Variants in JMJD1C observed in about 807,000 individuals in gnomAD.
JMJD1C encodes the protein jumonji domain-containing protein 1C.
A neutral mutation model predicts 245.3 loss-of-function variants in JMJD1C; 31 were observed. The ratio of observed to expected loss-of-function variants is 0.13; its 90% CI spans 0.09 to 0.17. JMJD1C has a LOEUF of 0.17. JMJD1C is among the 10% of genes least tolerant of loss of function. JMJD1C has a pLI of 1.00. For missense variants in JMJD1C, 2,691 were observed against 3,000.2 expected (o/e 0.90, Z 2.41); for synonymous variants, 1,057 against 1,017.4 (o/e 1.04, Z -0.74).
intron 1 of JMJD1C, among the ~76,000 whole-genome samples, chr10:63,424,511 T>C (rs1199174818): frequency 6.9e-6 from 1 of 144,010 alleles, no homozygotes; most frequent in Non-Finnish European, 1.5e-5. Context: ...TTTTTTTTTT[T>C]TTTTTTTCTT....
chr10:63,352,868 G>A (rs1944481790), intron 2 of JMJD1C, among the ~76,000 whole-genome samples: 1 of 152,008 alleles, frequency 6.6e-6, no homozygotes, highest in African/African-American at 2.4e-5. Flanking sequence ...TGTGTTCTAC[G>A]GGGCCAACTT....
chr10:63,242,716 A>C lies in JMJD1C; in HGVS notation c.447+21935T>G, dbSNP rs1323490894. Reference sequence around the variant, plus strand: ...ACTCCAGCCTGGGCAACAGAGCGAGACTCTGTCTCAAAAACAAAAACAGAT... The same window carrying C: ...ACTCCAGCCTGGGCAACAGAGCGAGCCTCTGTCTCAAAAACAAAAACAGAT... On this transcript the variant is annotated intron_variant, in intron 3 of 25. Transcript: ENST00000399262. Among the ~76,000 whole-genome samples, 7 of 152,268 alleles carry C rather than the reference A, an allele frequency of 4.6e-5. No homozygotes were observed. The South Asian group carries it at 1.4e-3, about 32-fold the overall frequency.
At position 63,200,661 on chromosome 10, in the gene JMJD1C, T is replaced by C. The variant is rs374794763; in HGVS notation, c.5091A>G (p.Ser1697=). ...QSNSNTGIPR[S]VLKDWRKVKK... is the part of the protein sequence containing the mutation. Reference sequence around the variant, plus strand: ...TGACTTTACGCCAATCTTTCAATACTGAACGAGGAATGCCAGCTGTAAAAT... The same window carrying C: ...TGACTTTACGCCAATCTTTCAATACCGAACGAGGAATGCCAGCTGTAAAAT... The change falls in exon 11 of 26, where the codon TCA becomes TCG. Residue 1697 remains serine, a synonymous_variant. Coordinates refer to ENST00000399262, the MANE Select transcript of JMJD1C (RefSeq NM_032776.3). 2 of 1,613,842 alleles carry C rather than the reference T, an allele frequency of 1.2e-6. No individual in the cohort carries two copies. Among genetic ancestry groups the C allele is most frequent in the African/African-American group, 2.7e-5 (2 of 74,922 alleles).
intron 1 of JMJD1C, among the ~76,000 whole-genome samples, chr10:63,447,955 A>G (rs1229409914): frequency 1.3e-5 from 2 of 151,862 alleles, no homozygotes; most frequent in African/African-American, 4.8e-5. Context: ...TAAAAATAAA[A>G]AGAGAGAGAG....
chr10:63,326,166 G>A (rs2134136656), intron 2 of JMJD1C, among the ~76,000 whole-genome samples: 1 of 152,216 alleles, frequency 6.6e-6, no homozygotes, highest in Middle Eastern at 3.4e-3. Context: ...AACAATTTCT[G>A]AGAAGTGTAA....
chr10:63,477,743 A>G (rs1351606045), intron 1 of JMJD1C, among the ~76,000 whole-genome samples: 3 of 152,198 alleles, frequency 2.0e-5, no homozygotes, highest in African/African-American at 4.8e-5. Flanking sequence ...AGCAAGATTC[A>G]TAAAACTAAA....
At chr10:63,515,618 G>C (rs1409204874) in intron 1 of JMJD1C, among the ~76,000 whole-genome samples, 1 of 152,160 alleles carries the variant, frequency 6.6e-6, no homozygotes, top group South Asian at 2.1e-4. Flanking sequence ...GTATCCAGCT[G>C]TCTGTCTCTC....
intron 3 of JMJD1C, among the ~76,000 whole-genome samples, chr10:63,259,244 T>A (rs1589310124): frequency 6.6e-6 from 1 of 152,346 alleles, no homozygotes; most frequent in East Asian, 1.9e-4. Flanking sequence ...ACCACTTATG[T>A]CAAATATTTA....
rs1004721750 is a variant in JMJD1C, at chr10:63,298,231, G to A, written c.334-33467C>T. 9.8e-5 allele frequency among the ~76,000 whole-genome samples: 15 copies of A among 152,304 alleles called. No homozygotes were observed. The East Asian group carries it at 1.7e-3, about 18-fold the overall frequency. On this transcript the variant is annotated intron_variant, in intron 2 of 25. Coordinates refer to ENST00000399262, the MANE Select transcript of JMJD1C (RefSeq NM_032776.3). ...GAGATCCAGGCCAGTAGTGTGAGCC[G>A]AGTTCAGCCTGCCAGGCCAAGTAGG...
intron 2 of JMJD1C, among the ~76,000 whole-genome samples, chr10:63,270,756 C>T (rs75138142): frequency 6.6e-6 from 1 of 152,222 alleles, no homozygotes; most frequent in East Asian, 1.9e-4. Context: ...GCATGAGTCA[C>T]CCTGACAGGC....
chr10:63,429,173 TTTC>T (rs1362877827), intron 1 of JMJD1C, among the ~76,000 whole-genome samples: 1 of 151,908 alleles, frequency 6.6e-6, no homozygotes, highest in African/African-American at 2.4e-5. Context: ...AGAGACAGGG[TTTC>T]TTCATGATGG....
At chr10:63,429,287 C>A (rs1950614137) in intron 1 of JMJD1C, among the ~76,000 whole-genome samples, 1 of 151,802 alleles carries the variant, frequency 6.6e-6, no homozygotes, top group African/African-American at 2.4e-5. Context: ...CCTGACAGGT[C>A]TTTTTTAACT....
chr10:63,188,530 CA>C (rs1844398494), intron 18 of JMJD1C, among the ~76,000 whole-genome samples: 2 of 152,148 alleles, frequency 1.3e-5, no homozygotes, highest in South Asian at 2.1e-4. Context: ...GTTGAATAAA[CA>C]AAGTAAACAT....
At chr10:63,454,302 C>G (rs1395374120) in intron 1 of JMJD1C, among the ~76,000 whole-genome samples, 1 of 151,634 alleles carries the variant, frequency 6.6e-6, no homozygotes, top group Non-Finnish European at 1.5e-5. Flanking sequence ...CTCTGTCACC[C>G]AGGCTGGAGT....
chr10:63,491,232 CTATTAT>C (rs1438563254), intron 1 of JMJD1C, among the ~76,000 whole-genome samples: 1 of 152,116 alleles, frequency 6.6e-6, no homozygotes, highest in Non-Finnish European at 1.5e-5. Context: ...TCTCATTTTA[CTATTAT>C]AACTTTTCTT....
intron 14 of JMJD1C, 186 bp from the exon 15 acceptor site, chr10:63,193,658 GT>G (rs200409392): frequency 4.1e-5 from 18 of 442,560 alleles, no homozygotes; most frequent in East Asian, 7.9e-5. Context: ...CCAAATTTAT[GT>G]TTTTTTTGTT....
chr10:63,405,411 C>A (rs552375946), intron 1 of JMJD1C, among the ~76,000 whole-genome samples: 1 of 148,776 alleles, frequency 6.7e-6, no homozygotes, highest in African/African-American at 2.5e-5. Flanking sequence ...ACCTCTGCCT[C>A]CAAAGCTCAA....
intron 2 of JMJD1C, among the ~76,000 whole-genome samples, chr10:63,282,814 T>G (rs1857557932): frequency 4.6e-5 from 7 of 152,160 alleles, no homozygotes; most frequent in Admixed American, 4.6e-4. Flanking sequence ...CCTCCCGGGT[T>G]CAAGTGATTC....
At chr10:63,441,020 TG>T (rs1951351897) in intron 1 of JMJD1C, among the ~76,000 whole-genome samples, 1 of 152,136 alleles carries the variant, frequency 6.6e-6, no homozygotes, top group African/African-American at 2.4e-5. Context: ...GAAAACTTCC[TG>T]GAAGAACTGT....
Sources: allele counts gnomAD v4.1 joint callset (sites outside exome capture counted in the v4.1 genomes callset), GRCh38; gene constraint gnomAD v4.1.1; transcripts MANE v1.5; gene names NCBI Gene and HGNC (gene_info 2026-07-23, HGNC 2026-07-21).